Variants in USP43 observed in about 807,000 individuals in gnomAD.
USP43 encodes the protein ubiquitin carboxyl-terminal hydrolase 43.
Under a neutral mutation model 90.7 loss-of-function variants are expected in USP43, and 33 were observed. The observed-to-expected ratio is 0.36, with a 90% confidence interval of 0.28 to 0.49. The LOEUF (loss-of-function observed/expected upper bound fraction) is 0.49, where lower values mean the gene tolerates loss of function less well. Ranked by LOEUF, USP43 falls within the 20% of genes least tolerant of loss-of-function variation. The pLI, the probability that USP43 is intolerant of heterozygous loss-of-function variation, is 0.98. For synonymous variants in USP43, 598 were observed against 615.8 expected, an observed-to-expected ratio of 0.97 and a Z score of 0.43; for missense variants, 1,274 against 1,476.4, an observed-to-expected ratio of 0.86 and a Z score of 2.25.
chr17:9,654,984 C>T (rs185245406), intron 1 of USP43, among the ~76,000 whole-genome samples: 163 of 151,522 alleles, frequency 1.1e-3, no homozygotes, highest in African/African-American at 3.8e-3. Context: ...GTGATCCATC[C>T]GCCTCGGCCT....
intron 6 of USP43, among the ~76,000 whole-genome samples, chr17:9,681,462 T>A (rs1205363646): frequency 1.6e-3 from 29 of 18,572 alleles, no homozygotes; most frequent in Admixed American, 4.6e-3. Context: ...ATAAAATATA[T>A]TATATATATA....
intron 3 of USP43, among the ~76,000 whole-genome samples, chr17:9,668,626 G>A (rs1597829240): frequency 6.6e-6 from 1 of 152,252 alleles, no homozygotes; most frequent in African/African-American, 2.4e-5. Context: ...CGGGCTCTTC[G>A]TTCCTGCTTG....
chr17:9,678,019 T>C (rs756564644), intron 5 of USP43, among the ~76,000 whole-genome samples: 10 of 152,150 alleles, frequency 6.6e-5, no homozygotes, highest in Non-Finnish European at 1.3e-4. Context: ...TTGTAAACTT[T>C]AAAGTGCACT....
intron 5 of USP43, among the ~76,000 whole-genome samples, chr17:9,679,907 C>T (rs1914050846): frequency 6.6e-6 from 1 of 151,922 alleles, no homozygotes; most frequent in Non-Finnish European, 1.5e-5. Flanking sequence ...TAAACCTATT[C>T]AGAAATTCTT....
At chr17:9,684,210 G>A (rs1022462766) in intron 7 of USP43, among the ~76,000 whole-genome samples, 5 of 152,026 alleles carry the variant, frequency 3.3e-5, no homozygotes, top group African/African-American at 1.2e-4. Flanking sequence ...GTCCTTGGGT[G>A]GGGGCTAGTT....
chr17:9,692,545 C>T (rs988658837), intron 8 of USP43, among the ~76,000 whole-genome samples: 9 of 152,102 alleles, frequency 5.9e-5, no homozygotes, highest in Non-Finnish European at 7.3e-5. Context: ...GTTGTTCATT[C>T]CATTGAATTT....
In USP43 at chr17:9,728,745, C is replaced by G; in HGVS notation, c.3127C>G (p.Pro1043Ala). The change falls in exon 15 of 15, where the codon CCT (proline) becomes GCT (alanine). Residue 1043 changes from proline to alanine, a missense_variant. Physicochemically the swap from Pro to Ala is conservative, Grantham distance 27 (BLOSUM62 -1). This residue lies in a region of USP43 where 353 missense variants were observed against 329.7 expected (regional missense o/e 1.07). Coordinates refer to ENST00000285199, the MANE Select transcript of USP43 (RefSeq NM_153210.5). This position sits in a 1 kb window ranked among gnomAD's most constrained non-coding sequence, Gnocchi z 6.2. Reference sequence around the variant, plus strand: ...GGACGGGCAGGCTCCAGGCTCACCTCCTGCCCTCAGGATCCCAGAGGGCCT... The same window carrying G: ...GGACGGGCAGGCTCCAGGCTCACCTGCTGCCCTCAGGATCCCAGAGGGCCT... ...AMDGQAPGSP[P>A]ALRIPEGLAR... is the part of the protein sequence containing the mutation. The G allele has an allele frequency of 6.2e-7, 1 of 1,602,436 alleles. No homozygotes were observed. The highest frequency in any genetic ancestry group is 2.2e-5 in the East Asian group (1 of 44,464).
upstream of USP43, chr17:9,645,370 G>A (rs1041497924): frequency 3.9e-6 from 1 of 254,666 alleles, no homozygotes; most frequent in Non-Finnish European, 7.4e-6. This position sits in a 1 kb window ranked among gnomAD's most constrained non-coding sequence, Gnocchi z 6.8. Flanking sequence ...ATCCGACCAC[G>A]AAGACTCCCA....
Position 9,667,235 on chromosome 17 carries a change from G to A in USP43, c.740+484G>A, listed in dbSNP as rs970370739. ...CAAAAAACAAAAACAAAACCTAGCC[G>A]GGTGTGGCACGTGCCTGTGGTCCCA... On this transcript the variant is annotated intron_variant, in intron 3 of 14. Coordinates refer to ENST00000285199, the MANE Select transcript of USP43 (RefSeq NM_153210.5). Among the ~76,000 whole-genome samples the A allele has an allele frequency of 5.9e-5, 9 of 151,790 alleles. No individual in the cohort carries two copies. In the South Asian group the frequency reaches 1.5e-3, roughly 25 times the overall value.
chr17:9,669,065 C>T (rs900656414), intron 3 of USP43, among the ~76,000 whole-genome samples: 5 of 151,494 alleles, frequency 3.3e-5, no homozygotes, highest in Non-Finnish European at 5.9e-5. Context: ...AGGCTGGTCT[C>T]GAACTCCTGA....
chr17:9,704,507 G>A (rs1915763875), intron 12 of USP43, among the ~76,000 whole-genome samples: 1 of 152,162 alleles, frequency 6.6e-6, no homozygotes, highest in Non-Finnish European at 1.5e-5. Flanking sequence ...AGTAGAGACA[G>A]GGTTTCACCA....
chr17:9,688,715 C>G (rs547272553), intron 8 of USP43, among the ~76,000 whole-genome samples: 32 of 151,582 alleles, frequency 2.1e-4, no homozygotes, highest in African/African-American at 7.7e-4. Context: ...GAGGCAGGGT[C>G]TCACTCTGAC....
chr17:9,691,032 T>C (rs1914914480), intron 8 of USP43, among the ~76,000 whole-genome samples: 1 of 152,224 alleles, frequency 6.6e-6, no homozygotes, highest in Non-Finnish European at 1.5e-5. Context: ...ATTTATCTTT[T>C]TACATCTGGC....
At position 9,686,611 on chromosome 17, in the gene USP43, T is replaced by A. The variant is rs1197145257; in HGVS notation, c.1242-187T>A. On this transcript the variant is annotated intron_variant, in intron 7 of 14. Coordinates refer to ENST00000285199, the MANE Select transcript of USP43 (RefSeq NM_153210.5). The surrounding 1 kb of genome is among the most constrained non-coding windows in gnomAD (Gnocchi z 5.5). ...TGGCTACGTGTGTCATTTTGAGAAA[T>A]GTCTATTCAGACCCTTTGCCCATTT... 6.6e-6 allele frequency among the ~76,000 whole-genome samples: 1 copy of A among 152,226 alleles called. No individual in the cohort carries two copies. The highest frequency in any genetic ancestry group is 2.4e-5 in the African/African-American group (1 of 41,446).
intron 10 of USP43, 136 bp downstream of exon 10, chr17:9,700,385 T>A: frequency 1.4e-6 from 1 of 714,314 alleles, no homozygotes; most frequent in Non-Finnish European, 2.3e-6. Context: ...CCCGTTCCTG[T>A]GAGATGCCTG....
At chr17:9,655,028 G>T (rs1158544543) in intron 1 of USP43, among the ~76,000 whole-genome samples, 2 of 140,954 alleles carry the variant, frequency 1.4e-5, no homozygotes, top group East Asian at 4.5e-4. Flanking sequence ...ATGAGCCACT[G>T]CACCTGGCCT....
intron 14 of USP43, among the ~76,000 whole-genome samples, chr17:9,721,121 C>G (rs759201088): frequency 5.9e-5 from 9 of 152,028 alleles, no homozygotes; most frequent in Non-Finnish European, 1.0e-4. Flanking sequence ...CTTACTTTTG[C>G]AATTTTTATA....
chr17:9,722,343 G>A (rs763749119), intron 14 of USP43, among the ~76,000 whole-genome samples: 4 of 152,036 alleles, frequency 2.6e-5, no homozygotes, highest in Non-Finnish European at 5.9e-5. Context: ...AGTTTTAAGT[G>A]GTTTCTGGTA....
At chr17:9,689,069 G>C (rs1204475622) in intron 8 of USP43, among the ~76,000 whole-genome samples, 1 of 152,184 alleles carries the variant, frequency 6.6e-6, no homozygotes, top group Non-Finnish European at 1.5e-5. Flanking sequence ...CTCAGCCACA[G>C]ATGCTTTTTC....
Sources: gnomAD v4.1 joint callset for allele counts (sites outside exome capture counted in the v4.1 genomes callset) on GRCh38, gnomAD v4.1.1 for gene constraint, gnomAD v4.1.1 regional missense constraint, Gnocchi (gnomAD v3.1) non-coding constraint, MANE v1.5 for transcripts, NCBI Gene and HGNC (gene_info 2026-07-23, HGNC 2026-07-21) for gene names.